GRID1: variants seen among roughly 807,000 people sequenced by gnomAD.
The protein encoded by GRID1 is glutamate ionotropic receptor delta type subunit 1.
Under a neutral mutation model 98.0 loss-of-function variants are expected in GRID1, and 28 were observed. The ratio of observed to expected loss-of-function variants is 0.29; its 90% confidence interval spans 0.21 to 0.39. The LOEUF (loss-of-function observed/expected upper bound fraction) is 0.39, where lower values mean the gene tolerates loss of function less well. Among genes scored for constraint, GRID1 ranks in the 10% least tolerant of loss-of-function variants. GRID1 has a pLI of 1.00. For missense variants in GRID1, 1,111 were observed against 1,340.5 expected (o/e 0.83, Z 2.67); for synonymous variants, 553 against 538.5 (o/e 1.03, Z -0.37).
At chr10:86,209,870 T>A (rs1182140453) in intron 2 of GRID1, among the ~76,000 whole-genome samples, 3 of 152,110 alleles carry the variant, frequency 2.0e-5, no homozygotes, top group Admixed American at 6.5e-5. Context: ...ATATGTCAGG[T>A]TCTGAAGTGG....
chr10:86,265,556 G>A (rs1033712366), intron 2 of GRID1, among the ~76,000 whole-genome samples: 1 of 152,204 alleles, frequency 6.6e-6, no homozygotes, highest in African/African-American at 2.4e-5. Flanking sequence ...CACCAGCCCT[G>A]CCACGTGGCT....
chr10:86,358,142 G>C (rs1276131823), intron 2 of GRID1, among the ~76,000 whole-genome samples: 1 of 152,162 alleles, frequency 6.6e-6, no homozygotes, highest in Admixed American at 6.5e-5. Context: ...AGGCTCCACA[G>C]GCTTACAGTG....
In GRID1 at chr10:86,332,213, C is replaced by T. The variant is rs568919589; in HGVS notation, c.235+31728G>A. On this transcript the variant is annotated intron_variant, in intron 2 of 15. Transcript: ENST00000327946. ...GGCTGGATTGGCTTCCTAACAGCCC[C>T]TCCTTGACCCCTCCAGAATCCAGGC... is the stretch of plus-strand genomic sequence containing the variant. 1.9e-3 allele frequency among the ~76,000 whole-genome samples: 283 copies of T among 152,338 alleles called. 2 individuals carry two copies. Among genetic ancestry groups the T allele is most frequent in the African/African-American group, 6.6e-3 (275 of 41,572 alleles).
intron 5 of GRID1, among the ~76,000 whole-genome samples, chr10:85,905,424 G>A (rs377253586): frequency 5.3e-5 from 8 of 151,500 alleles, no homozygotes; most frequent in African/African-American, 9.7e-5. Flanking sequence ...ATCAAACTAC[G>A]GATCTTCGCA....
chr10:85,672,626 C>G (rs1326323395), intron 12 of GRID1, among the ~76,000 whole-genome samples: 2 of 151,984 alleles, frequency 1.3e-5, no homozygotes, highest in African/African-American at 2.4e-5. Context: ...GTAAATGGAA[C>G]AACAAGGCCT....
At chr10:86,036,298 A>C (rs1479216912) in intron 4 of GRID1, among the ~76,000 whole-genome samples, 1 of 152,194 alleles carries the variant, frequency 6.6e-6, no homozygotes, top group Non-Finnish European at 1.5e-5. Context: ...CTTGGGTCAC[A>C]CATGGGTTTT....
At chr10:85,716,599 T>C (rs1377903190) in intron 12 of GRID1, among the ~76,000 whole-genome samples, 1 of 149,130 alleles carries the variant, frequency 6.7e-6, no homozygotes, top group Non-Finnish European at 1.5e-5. Context: ...TGTGATATAT[T>C]ATATATGTAC....
intron 2 of GRID1, among the ~76,000 whole-genome samples, chr10:86,313,892 A>G (rs998040506): frequency 2.6e-5 from 4 of 152,268 alleles, no homozygotes; most frequent in Admixed American, 6.5e-5. Flanking sequence ...TGCTATTACA[A>G]CAAAACCCCT....
intron 5 of GRID1, among the ~76,000 whole-genome samples, chr10:85,879,022 G>C (rs1840957711): frequency 6.6e-6 from 1 of 151,536 alleles, no homozygotes; most frequent in African/African-American, 2.4e-5. Flanking sequence ...AAGAGACAAA[G>C]AAGGCCATTA....
At chr10:86,075,127 G>A (rs911237771) in intron 4 of GRID1, among the ~76,000 whole-genome samples, 8 of 146,396 alleles carry the variant, frequency 5.5e-5, no homozygotes, top group Non-Finnish European at 7.5e-5. Context: ...AAGGCTCCTC[G>A]TTTGTCACTG....
chr10:85,894,037 T>C (rs1841243195), intron 5 of GRID1, among the ~76,000 whole-genome samples: 1 of 152,174 alleles, frequency 6.6e-6, no homozygotes, highest in African/African-American at 2.4e-5. Context: ...GGTACAGAAC[T>C]TTCTCCTCTT....
At chr10:85,613,700 AC>A in intron 14 of GRID1, 53 bp from the exon 15 acceptor site, 1 of 1,575,212 alleles carries the variant, frequency 6.3e-7, no homozygotes, top group Non-Finnish European at 8.6e-7. Flanking sequence ...CAACTCAGCC[AC>A]CGGGGCCCTG....
At chr10:86,281,685 G>A (rs947501027) in intron 2 of GRID1, among the ~76,000 whole-genome samples, 11 of 152,154 alleles carry the variant, frequency 7.2e-5, no homozygotes, top group Non-Finnish European at 1.2e-4. Flanking sequence ...GCCTAGGACA[G>A]TAGTCCTAGG....
At chr10:85,766,730 T>TTGCGTGTG (rs1554829929) in intron 8 of GRID1, among the ~76,000 whole-genome samples, 2 of 138,352 alleles carry the variant, frequency 1.4e-5, no homozygotes, top group African/African-American at 5.5e-5. Context: ...AGGCAGATGA[T>TTGCGTGTG]TGTGTGTGTG....
chr10:86,211,316 C>T (rs1213486886), intron 2 of GRID1, among the ~76,000 whole-genome samples: 2 of 152,182 alleles, frequency 1.3e-5, no homozygotes, highest in East Asian at 3.8e-4. Flanking sequence ...TTGATTACAA[C>T]ACAGGCTTGA....
chr10:85,629,965 G>A (rs541570970), intron 13 of GRID1, among the ~76,000 whole-genome samples: 1 of 152,218 alleles, frequency 6.6e-6, no homozygotes, highest in East Asian at 1.9e-4. Context: ...GACTAGTGAT[G>A]TTGTGCATTT....
In GRID1 at chr10:86,006,405, G is replaced by A. The variant is rs528769312; in HGVS notation, c.727-90166C>T. On this transcript the variant is annotated intron_variant, in intron 4 of 15. Transcript: ENST00000327946. ...GGAGGCCGAGGTGAGCGGATCATGA[G>A]GTCAAGAGATCGAGACCATTCTGGT... Among the ~76,000 whole-genome samples, 4 of 152,300 alleles carry A rather than the reference G, an allele frequency of 2.6e-5. No homozygotes were observed. In the East Asian group the frequency reaches 5.8e-4, roughly 22 times the overall value.
At chr10:86,105,135 G>A (rs557213469) in intron 4 of GRID1, among the ~76,000 whole-genome samples, 3 of 152,346 alleles carry the variant, frequency 2.0e-5, no homozygotes, top group East Asian at 3.9e-4. Context: ...CTCTTTCCCA[G>A]GAAGTTGGAG....
intron 5 of GRID1, among the ~76,000 whole-genome samples, chr10:85,878,563 C>T (rs1010836468): frequency 6.6e-6 from 1 of 152,052 alleles, no homozygotes; most frequent in African/African-American, 2.4e-5. Context: ...TACAGACAAG[C>T]AAATGCTGAG....
Sources: gnomAD v4.1 joint callset for allele counts (sites outside exome capture counted in the v4.1 genomes callset) on GRCh38, gnomAD v4.1.1 for gene constraint, MANE v1.5 for transcripts, NCBI Gene and HGNC (gene_info 2026-07-23, HGNC 2026-07-21) for gene names.